PITPNM2: variants seen among roughly 807,000 people sequenced by gnomAD.
PITPNM2 encodes membrane-associated phosphatidylinositol transfer protein 2.
Under a neutral mutation model 132.2 loss-of-function variants are expected in PITPNM2, and 35 were observed. The observed-to-expected ratio is 0.26, with a 90% CI of 0.20 to 0.35. The LOEUF is 0.35. Among genes scored for constraint, PITPNM2 ranks in the 10% least tolerant of loss-of-function variants. The probability of loss-of-function intolerance (pLI) is 1.00; values close to 1 mark genes in which losing one functional copy is unlikely to be tolerated. For missense variants in PITPNM2, 1,332 were observed against 1,912.0 expected (o/e 0.70, Z 5.66); for synonymous variants, 738 against 799.2 (o/e 0.92, Z 1.29).
intron 2 of PITPNM2, among the ~76,000 whole-genome samples, chr12:123,075,046 C>T (rs761669296): frequency 1.2e-4 from 18 of 152,164 alleles, no homozygotes; most frequent in Admixed American, 7.9e-4. Context: ...TTTGTGTGTG[C>T]GTGCATGTGG....
rs1218668755 is a variant in PITPNM2, at chr12:123,078,533, C to A, written c.-96+31852G>T. Among the ~76,000 whole-genome samples the A allele has an allele frequency of 1.3e-5, 2 of 152,224 alleles. No individual in the cohort carries two copies. The highest frequency in any genetic ancestry group is 2.4e-5 in the African/African-American group (1 of 41,466). On this transcript the variant is annotated intron_variant, in intron 2 of 25. Transcript: ENST00000320201. The surrounding 1 kb of genome is among the most constrained non-coding windows in gnomAD (Gnocchi z 7.3). ...CCCTCTCCCCGGGCTTAGGTGATAC[C>A]TTGTGTTAGGGGAGGCGTTGTGGAT...
At chr12:123,065,265 G>C (rs1408467286) in intron 2 of PITPNM2, among the ~76,000 whole-genome samples, 3 of 152,194 alleles carry the variant, frequency 2.0e-5, no homozygotes, top group Non-Finnish European at 4.4e-5. Context: ...TGGCATCCAG[G>C]GTTCCCCCAT....
chr12:123,033,493 G>A (rs572950317), intron 3 of PITPNM2, among the ~76,000 whole-genome samples: 3 of 152,354 alleles, frequency 2.0e-5, no homozygotes, highest in Admixed American at 1.3e-4. Context: ...CTAAGCAAGA[G>A]TCTCTGGCTC....
At chr12:123,035,722 A>T (rs952595140) in intron 2 of PITPNM2, among the ~76,000 whole-genome samples, 3 of 152,136 alleles carry the variant, frequency 2.0e-5, no homozygotes, top group African/African-American at 7.2e-5. Context: ...GTTATCCGGA[A>T]AATGAAATCA....
chr12:123,043,631 C>T (rs2040563184), intron 2 of PITPNM2, among the ~76,000 whole-genome samples: 1 of 152,228 alleles, frequency 6.6e-6, no homozygotes, highest in Admixed American at 6.5e-5. Flanking sequence ...CACCTGGGGG[C>T]ACCGTGGGGC....
intron 1 of PITPNM2, among the ~76,000 whole-genome samples, chr12:123,142,071 G>C (rs1302647407): frequency 1.3e-5 from 2 of 152,158 alleles, no homozygotes; most frequent in Non-Finnish European, 2.9e-5. Flanking sequence ...ATAAAATCTT[G>C]GTATTCAAAG....
At position 122,992,023 on chromosome 12, in the gene PITPNM2, C is replaced by A. The variant is rs955988914; in HGVS notation, c.2404+476G>T. 11 of 936,584 alleles carry A rather than the reference C, an allele frequency of 1.2e-5. No homozygotes were observed. Among genetic ancestry groups the A allele is most frequent in the African/African-American group, 1.7e-5 (1 of 58,618 alleles). 58.0% of individuals were successfully genotyped at this position (936,584 alleles called of 1,614,324 possible). ...GGACGTGACAAGACGCTGGGACACA[C>A]GCTGGGGCAGGGGTCGGGCCAAGCC... On this transcript the variant is annotated intron_variant, in intron 16 of 25. Coordinates refer to ENST00000320201, the MANE Select transcript of PITPNM2 (RefSeq NM_020845.3). This position sits in a 1 kb window ranked among gnomAD's most constrained non-coding sequence, Gnocchi z 6.5.
rs562196189 is a variant in PITPNM2, at chr12:123,137,668, G to A, written c.-200+13085C>T. 5.9e-5 allele frequency among the ~76,000 whole-genome samples: 9 copies of A among 152,132 alleles called. No individual in the cohort carries two copies. The East Asian group carries it at 7.8e-4, about 13-fold the overall frequency. On this transcript the variant is annotated intron_variant, in intron 1 of 25. Transcript: ENST00000320201. The stretch of plus-strand genomic sequence containing the variant: ...AGCACTTTGGGAGGCCGAGACAGGC[G>A]GATCACTTGAGGCCAGGAGTTTAAG...
At chr12:123,045,379 C>T (rs1212041847) in intron 2 of PITPNM2, among the ~76,000 whole-genome samples, 1 of 152,218 alleles carries the variant, frequency 6.6e-6, no homozygotes, top group Non-Finnish European at 1.5e-5. Context: ...TCCACTGAGA[C>T]CATATTGGTC....
intron 2 of PITPNM2, among the ~76,000 whole-genome samples, chr12:123,075,085 C>T (rs1223194907): frequency 1.3e-5 from 2 of 152,170 alleles, no homozygotes; most frequent in East Asian, 1.9e-4. Flanking sequence ...CATGTGCATG[C>T]CTGCATGGCA....
At chr12:123,135,886 G>A (rs1307222515) in intron 1 of PITPNM2, among the ~76,000 whole-genome samples, 21 of 152,150 alleles carry the variant, frequency 1.4e-4, no homozygotes, top group Admixed American at 1.3e-3. Context: ...TTTCATGGCT[G>A]AATAATATTT....
In PITPNM2 at chr12:123,077,625, G is replaced by A. The variant is rs1194771920; in HGVS notation, c.-96+32760C>T. ...GAACTCCACGCACCCAAACTCTGCT[G>A]TGCCCCCTCTGAGTTCTGAGCATGC... On this transcript the variant is annotated intron_variant, in intron 2 of 25. Transcript: ENST00000320201. The surrounding 1 kb of genome is among the most constrained non-coding windows in gnomAD (Gnocchi z 4.8). 6.6e-6 allele frequency among the ~76,000 whole-genome samples: 1 copy of A among 152,166 alleles called. No homozygotes were observed. The highest frequency in any genetic ancestry group is 2.4e-5 in the African/African-American group (1 of 41,432).
intron 2 of PITPNM2, chr12:123,089,687 C>T (rs1246672379): frequency 6.6e-6 from 1 of 152,232 alleles, no homozygotes; most frequent in Non-Finnish European, 1.5e-5. Flanking sequence ...AGAGAAACCC[C>T]TGGATTAGCT....
rs574482505 is a variant in PITPNM2 at position 123,120,871 on chromosome 12, A to G, written c.-199-10383T>C. Among the ~76,000 whole-genome samples the G allele has an allele frequency of 2.0e-5, 3 of 152,282 alleles. No homozygotes were observed. The East Asian group carries it at 5.8e-4, about 29-fold the overall frequency. ...GCAAAAGTTATCTGAGCCCCTGGGG[A>G]AAATGGAAAAGCATAACGAAGACCA... On this transcript the variant is annotated intron_variant, in intron 1 of 25. Transcript: ENST00000320201.
chr12:123,106,121 T>C lies in PITPNM2; in HGVS notation c.-96+4264A>G, dbSNP rs1233952674. 6.6e-6 allele frequency among the ~76,000 whole-genome samples: 1 copy of C among 152,198 alleles called. No individual in the cohort carries two copies. Among genetic ancestry groups the C allele is most frequent in the Non-Finnish European group, 1.5e-5 (1 of 68,030 alleles). ...TGCCACAGGCCCCCTGCTTCTTCTC[T>C]TCACCCCAGATAGCCTGCTCTCAAC... On this transcript the variant is annotated intron_variant, in intron 2 of 25. Coordinates refer to ENST00000320201, the MANE Select transcript of PITPNM2 (RefSeq NM_020845.3). The surrounding 1 kb of genome is among the most constrained non-coding windows in gnomAD (Gnocchi z 4.4).
At chr12:122,988,903 C>T (rs569647101) in intron 18 of PITPNM2, 31 bp from the exon 19 acceptor site, 11 of 1,527,022 alleles carry the variant, frequency 7.2e-6, no homozygotes, top group African/African-American at 1.4e-5. Context: ...TGGGCTGGGG[C>T]TGTATAGCCC....
At chr12:123,085,709 A>T (rs2042092839) in intron 2 of PITPNM2, among the ~76,000 whole-genome samples, 3 of 152,248 alleles carry the variant, frequency 2.0e-5, no homozygotes, top group Non-Finnish European at 4.4e-5. Context: ...ACAAGGAGAA[A>T]AAAGCCCACT....
In PITPNM2 at chr12:123,108,784, T is replaced by G. The variant is rs2042774468; in HGVS notation, c.-96+1601A>C. 6.6e-6 allele frequency among the ~76,000 whole-genome samples: 1 copy of G among 152,066 alleles called. No individual in the cohort carries two copies. On this transcript the variant is annotated intron_variant, in intron 2 of 25. Coordinates refer to ENST00000320201, the MANE Select transcript of PITPNM2 (RefSeq NM_020845.3). The surrounding 1 kb of genome is among the most constrained non-coding windows in gnomAD (Gnocchi z 4.4). ...GGAACTACGGAGCCACAGAGGCAAC[T>G]TAAGAGGCCCCATCACAACGTGCCC...
intron 2 of PITPNM2, among the ~76,000 whole-genome samples, chr12:123,039,820 T>G (rs2040400446): frequency 6.6e-6 from 1 of 152,194 alleles, no homozygotes; most frequent in Non-Finnish European, 1.5e-5. Flanking sequence ...CACTCAATTT[T>G]GCTGTGAATC....
Sources: allele counts gnomAD v4.1 joint callset (sites outside exome capture counted in the v4.1 genomes callset), GRCh38; gene constraint gnomAD v4.1.1; non-coding constraint Gnocchi (gnomAD v3.1); transcripts MANE v1.5; gene names NCBI Gene and HGNC (gene_info 2026-07-23, HGNC 2026-07-21).